The following ADCY5 variants were observed in gnomAD, a reference collection of about 807,000 sequenced individuals.
ADCY5 encodes the protein adenylate cyclase 5.
In ADCY5, 30 loss-of-function variants were observed where a neutral mutation model predicts 119.7. That is an observed-to-expected ratio of 0.25 (90% CI 0.19 to 0.34). The LOEUF is 0.34. ADCY5 is among the 10% of genes least tolerant of loss of function. The pLI, the probability that ADCY5 is intolerant of heterozygous loss-of-function variation, is 1.00. For missense variants in ADCY5, 1,324 were observed against 1,775.2 expected (o/e 0.75, Z 4.57); for synonymous variants, 753 against 762.2 (o/e 0.99, Z 0.20).
intron 1 of ADCY5, among the ~76,000 whole-genome samples, chr3:123,440,665 C>T (rs1204889110): frequency 1.3e-5 from 2 of 152,168 alleles, no homozygotes; most frequent in Non-Finnish European, 2.9e-5. Flanking sequence ...ATTCTCCACA[C>T]TCTATACCAT....
intron 1 of ADCY5, among the ~76,000 whole-genome samples, chr3:123,396,533 AAAG>A (rs1944574648): frequency 1.4e-5 from 1 of 72,658 alleles, no homozygotes. Flanking sequence ...GAGAGAAAGA[AAAG>A]AAAGAAAGAA....
At chr3:123,289,328 T>A (rs1309555605) in intron 19 of ADCY5, among the ~76,000 whole-genome samples, 1 of 152,106 alleles carries the variant, frequency 6.6e-6, no homozygotes, top group African/African-American at 2.4e-5. Flanking sequence ...ACAACGCGGT[T>A]AGGTCAGTAT....
chr3:123,346,516 C>T (rs945126890), intron 3 of ADCY5, among the ~76,000 whole-genome samples: 4 of 152,112 alleles, frequency 2.6e-5, no homozygotes, highest in African/African-American at 4.8e-5. Flanking sequence ...TCCACAGTCT[C>T]GGATCCCAGG....
chr3:123,320,418 G>A (rs905204063), intron 9 of ADCY5, among the ~76,000 whole-genome samples: 1 of 152,262 alleles, frequency 6.6e-6, no homozygotes, highest in African/African-American at 2.4e-5. Flanking sequence ...TTGCCTCGGG[G>A]CACTGGATGC....
chr3:123,291,007 T>A, intron 18 of ADCY5, 106 bp downstream of exon 18: 3 of 1,412,288 alleles, frequency 2.1e-6, no homozygotes, highest in Non-Finnish European at 2.8e-6. Flanking sequence ...TCACTGCTTA[T>A]GTCACGATGG....
intron 1 of ADCY5, among the ~76,000 whole-genome samples, chr3:123,385,310 C>CACATAG (rs1553742302): frequency 6.6e-6 from 1 of 151,744 alleles, no homozygotes; most frequent in African/African-American, 2.4e-5. Context: ...CACACACACA[C>CACATAG]GCACGCACGA....
At chr3:123,297,763 G>T in intron 15 of ADCY5, among the ~76,000 whole-genome samples, 1 of 152,260 alleles carries the variant, frequency 6.6e-6, no homozygotes, top group Non-Finnish European at 1.5e-5. Flanking sequence ...GCCACGTGCA[G>T]CTACTGAGCC....
At chr3:123,429,410 C>A (rs909714240) in intron 1 of ADCY5, among the ~76,000 whole-genome samples, 2 of 152,090 alleles carry the variant, frequency 1.3e-5, no homozygotes, top group Non-Finnish European at 2.9e-5. Context: ...ATCCCCCCAA[C>A]CCTGCCCCAG....
At chr3:123,429,157 AG>A (rs1326908231) in intron 1 of ADCY5, among the ~76,000 whole-genome samples, 2 of 152,218 alleles carry the variant, frequency 1.3e-5, no homozygotes, top group Non-Finnish European at 2.9e-5. Flanking sequence ...TATTATTTTT[AG>A]GCTGGGCATC....
At chr3:123,329,834 T>C in intron 5 of ADCY5, among the ~76,000 whole-genome samples, 1 of 152,196 alleles carries the variant, frequency 6.6e-6, no homozygotes, top group African/African-American at 2.4e-5. Flanking sequence ...ATACCTCCAC[T>C]GCAGCAGAAT....
At chr3:123,410,150 A>G (rs536780863) in intron 1 of ADCY5, among the ~76,000 whole-genome samples, 3 of 152,226 alleles carry the variant, frequency 2.0e-5, no homozygotes, top group African/African-American at 7.2e-5. Context: ...CAGGGCCTCC[A>G]CCAGAACTAG....
chr3:123,291,437 C>A, intron 17 of ADCY5, 61 bp from the exon 18 acceptor site: 1 of 1,554,606 alleles, frequency 6.4e-7, no homozygotes, highest in Non-Finnish European at 8.7e-7. Context: ...TCGGCCCCTC[C>A]ACCTCCTCCT....
At chr3:123,305,886 C>T (rs4234213) in intron 12 of ADCY5, among the ~76,000 whole-genome samples, 150,241 of 152,328 alleles carry the variant, frequency 0.99, 74,121 homozygotes, top group East Asian at 1. Context: ...GCTGCTGCCA[C>T]GGCAGAGGCC....
intron 15 of ADCY5, 133 bp downstream of exon 15, chr3:123,299,987 T>C: frequency 1.0e-6 from 1 of 992,648 alleles, no homozygotes; most frequent in African/African-American, 1.6e-5. Flanking sequence ...GTTTTCCAGA[T>C]GTCAGGGCTG....
At chr3:123,362,549 C>T (rs1178595953) in intron 1 of ADCY5, among the ~76,000 whole-genome samples, 3 of 152,108 alleles carry the variant, frequency 2.0e-5, no homozygotes, top group Non-Finnish European at 2.9e-5. Flanking sequence ...TTTGCGCAAC[C>T]GGAGAGAAAT....
At chr3:123,347,001 G>T (rs190443691) in intron 3 of ADCY5, among the ~76,000 whole-genome samples, 1 of 152,186 alleles carries the variant, frequency 6.6e-6, no homozygotes, top group African/African-American at 2.4e-5. Flanking sequence ...CGGCAAACAC[G>T]CAGTGAAAGG....
intron 1 of ADCY5, among the ~76,000 whole-genome samples, chr3:123,392,998 C>T (rs1385310870): frequency 6.6e-6 from 1 of 152,150 alleles, no homozygotes; most frequent in Non-Finnish European, 1.5e-5. Context: ...TGAGCTGAGA[C>T]AATGGCACAT....
At chr3:123,425,530 C>A (rs1945388498) in intron 1 of ADCY5, among the ~76,000 whole-genome samples, 3 of 152,226 alleles carry the variant, frequency 2.0e-5, no homozygotes, top group African/African-American at 7.2e-5. Flanking sequence ...CTGGAAGAAG[C>A]AGCTGTATGG....
Position 123,447,879 on chromosome 3 carries a change from A to G in ADCY5, c.667T>C (p.Ser223Pro), listed in dbSNP as rs1374607949. The G allele has an allele frequency of 2.5e-6, 4 of 1,612,396 alleles. No individual in the cohort carries two copies. The African/African-American group carries it at 4.0e-5, about 16-fold the overall frequency. ...TGGTACAGCCGCTCCAGTTTGTCCG[A>G]CGGGAACTTCTTGGAGCGGAATATC... is the stretch of plus-strand genomic sequence containing the variant. ...LQIFRSKKFP[S>P]DKLERLYQRY... The change falls in exon 1 of 21, where the codon TCG becomes CCG. Residue 223 changes from serine to proline, a missense_variant. Ser to Pro is a moderately conservative substitution (Grantham distance 74, BLOSUM62 -1). This residue lies in a region of ADCY5 where 585 missense variants were observed against 569.9 expected (regional missense o/e 1.03). Coordinates refer to ENST00000462833, the MANE Select transcript of ADCY5 (RefSeq NM_183357.3).
Sources: gnomAD v4.1 joint callset for allele counts (sites outside exome capture counted in the v4.1 genomes callset) on GRCh38, gnomAD v4.1.1 for gene constraint, gnomAD v4.1.1 regional missense constraint, MANE v1.5 for transcripts, NCBI Gene and HGNC (gene_info 2026-07-23, HGNC 2026-07-21) for gene names.